The following CDC42BPA variants were observed in gnomAD, a reference collection of about 807,000 sequenced individuals.
The protein encoded by CDC42BPA is serine/threonine-protein kinase MRCK alpha.
Under a neutral mutation model 223.5 loss-of-function variants are expected in CDC42BPA, and 80 were observed. That is an observed-to-expected ratio of 0.36 (90% CI 0.30 to 0.43). The LOEUF (loss-of-function observed/expected upper bound fraction) is 0.43. Ranked by LOEUF, CDC42BPA falls within the 20% of genes least tolerant of loss-of-function variation. The pLI, the probability that CDC42BPA is intolerant of heterozygous loss-of-function variation, is 1.00. For missense variants in CDC42BPA, 1,743 were observed against 2,099.9 expected (o/e 0.83, Z 3.32); for synonymous variants, 694 against 718.6 (o/e 0.97, Z 0.55).
intron 1 of CDC42BPA, chr1:227,265,313 G>T: frequency 2.3e-6 from 1 of 444,110 alleles, no homozygotes; most frequent in Non-Finnish European, 4.2e-6. Context: ...TTCCCTACCT[G>T]TACAGGTACC....
chr1:227,164,211 T>A (rs1664609830), intron 5 of CDC42BPA, among the ~76,000 whole-genome samples: 1 of 152,220 alleles, frequency 6.6e-6, no homozygotes, highest in Non-Finnish European at 1.5e-5. Context: ...GTGTCTTAAT[T>A]ATAAAATAAT....
At position 227,028,661 on chromosome 1, in the gene CDC42BPA, A is replaced by G. The variant is rs766684463; in HGVS notation, c.4428T>C (p.Ser1476=). The G allele has an allele frequency of 2.6e-6, 4 of 1,548,762 alleles. No individual in the cohort carries two copies. The highest frequency in any genetic ancestry group is 3.5e-6 in the Non-Finnish European group (4 of 1,142,294). ...CCGTAAGAAAGAGAATCTTACAACA[A>G]GAGGAAGGATTTGCTGGCCACATCA... The part of the protein sequence containing the change: ...QELMWPANPS[S]CCYNAPYLSV... Residue 1476 remains serine (S), a synonymous_variant, in exon 30 of 37, where the codon TCT becomes TCC. Coordinates refer to ENST00000366766, the MANE Select transcript of CDC42BPA (RefSeq NM_001394014.1).
At chr1:227,040,266 A>G in intron 23 of CDC42BPA, 30 bp from the exon 24 acceptor site, 1 of 1,385,380 alleles carries the variant, frequency 7.2e-7, no homozygotes, top group South Asian at 1.2e-5. Context: ...AAAAACACAC[A>G]GATTGTTTAA....
intron 2 of CDC42BPA, among the ~76,000 whole-genome samples, chr1:227,216,388 A>G (rs541781384): frequency 6.6e-6 from 1 of 152,318 alleles, no homozygotes; most frequent in South Asian, 2.1e-4. Context: ...GGTTATCAGG[A>G]ATGCCATGCT....
chr1:227,286,851 G>A (rs183489259), intron 1 of CDC42BPA, among the ~76,000 whole-genome samples: 39 of 152,270 alleles, frequency 2.6e-4, no homozygotes, highest in African/African-American at 7.2e-4. Flanking sequence ...AAGTAATTGC[G>A]GTTTTAGATG....
intron 1 of CDC42BPA, among the ~76,000 whole-genome samples, chr1:227,295,282 T>G (rs1690475192): frequency 6.6e-6 from 1 of 152,128 alleles, no homozygotes; most frequent in Non-Finnish European, 1.5e-5. Context: ...CACCTTAGCC[T>G]CCAGAGCAAC....
intron 21 of CDC42BPA, among the ~76,000 whole-genome samples, chr1:227,058,104 T>C (rs1674974989): frequency 1.3e-5 from 2 of 152,204 alleles, no homozygotes; most frequent in Non-Finnish European, 2.9e-5. Context: ...AAATATCTAA[T>C]GGTTTTAAGT....
intron 21 of CDC42BPA, among the ~76,000 whole-genome samples, chr1:227,055,014 T>C (rs1372892668): frequency 1.3e-5 from 2 of 151,982 alleles, no homozygotes; most frequent in Non-Finnish European, 2.9e-5. Context: ...AGTTGAACTA[T>C]GCCATTTATA....
chr1:227,216,974 T>C (rs1674967312), intron 2 of CDC42BPA, among the ~76,000 whole-genome samples: 1 of 152,210 alleles, frequency 6.6e-6, no homozygotes, highest in African/African-American at 2.4e-5. Flanking sequence ...TTAAACACAA[T>C]GTATTATCAT....
intron 5 of CDC42BPA, among the ~76,000 whole-genome samples, chr1:227,181,808 G>A (rs754733412): frequency 6.6e-5 from 10 of 152,088 alleles, no homozygotes; most frequent in Non-Finnish European, 1.2e-4. Flanking sequence ...GCACAACTAT[G>A]AAGTAGAAGT....
chr1:227,077,073 A>G (rs1225096127), intron 17 of CDC42BPA, among the ~76,000 whole-genome samples: 5 of 152,204 alleles, frequency 3.3e-5, no homozygotes, highest in African/African-American at 9.6e-5. Context: ...TACTTATTAA[A>G]TACTATTGCA....
intron 15 of CDC42BPA, among the ~76,000 whole-genome samples, chr1:227,099,795 C>T (rs1330555364): frequency 6.6e-6 from 1 of 152,056 alleles, no homozygotes; most frequent in Non-Finnish European, 1.5e-5. Flanking sequence ...TATAGTTTTC[C>T]CTGGCCATCC....
At chr1:227,165,731 C>A (rs185822169) in intron 5 of CDC42BPA, among the ~76,000 whole-genome samples, 92 of 152,150 alleles carry the variant, frequency 6.0e-4, no homozygotes, top group South Asian at 5.2e-3. Flanking sequence ...TACAAACTGT[C>A]CAAAATTCGC....
chr1:227,023,146 G>T (rs1022690971), intron 32 of CDC42BPA, 117 bp downstream of exon 32: 7 of 588,212 alleles, frequency 1.2e-5, no homozygotes, highest in Non-Finnish European at 1.8e-5. Flanking sequence ...CTTGGAGTAA[G>T]ATACACCTGT....
chr1:227,048,554 A>T (rs1442200393), intron 22 of CDC42BPA, among the ~76,000 whole-genome samples: 1 of 151,710 alleles, frequency 6.6e-6, no homozygotes, highest in East Asian at 1.9e-4. Flanking sequence ...TTTTATTGTA[A>T]TTATTTAATA....
At chr1:227,113,648 A>C (rs1687295864) in intron 12 of CDC42BPA, among the ~76,000 whole-genome samples, 1 of 152,126 alleles carries the variant, frequency 6.6e-6, no homozygotes, top group Non-Finnish European at 1.5e-5. Context: ...TAATAAAAAC[A>C]AAAAAATGAC....
intron 35 of CDC42BPA, among the ~76,000 whole-genome samples, chr1:227,003,500 C>T (rs553604363): frequency 4.9e-4 from 74 of 152,336 alleles, no homozygotes; most frequent in African/African-American, 1.6e-3. Context: ...AATCTACAAT[C>T]GCACTGCTTA....
intron 11 of CDC42BPA, among the ~76,000 whole-genome samples, chr1:227,122,083 G>T (rs1248405533): frequency 6.6e-6 from 1 of 152,132 alleles, no homozygotes; most frequent in Non-Finnish European, 1.5e-5. Context: ...TTACAGGCAT[G>T]AGCCACTGCC....
chr1:227,012,441 T>C (rs1430391494), intron 34 of CDC42BPA, among the ~76,000 whole-genome samples: 2 of 150,630 alleles, frequency 1.3e-5, no homozygotes, highest in Non-Finnish European at 3.0e-5. Context: ...TTGCATCTGA[T>C]AGAGGAATAT....
Sources: allele counts gnomAD v4.1 joint callset (sites outside exome capture counted in the v4.1 genomes callset), GRCh38; gene constraint gnomAD v4.1.1; transcripts MANE v1.5; gene names NCBI Gene and HGNC (gene_info 2026-07-23, HGNC 2026-07-21).